TCF20: variants seen among roughly 807,000 people sequenced by gnomAD.
The protein encoded by TCF20 is transcription factor 20.
In TCF20, 3 loss-of-function variants were observed where a neutral mutation model predicts 148.6. The observed-to-expected ratio is 0.02, with a 90% CI of 0.01 to 0.05. TCF20 has a LOEUF of 0.05. TCF20 is among the 10% of genes least tolerant of loss of function. TCF20 has a pLI of 1.00. For synonymous variants in TCF20, 1,049 were observed against 909.5 expected (o/e 1.15, Z -2.76); for missense variants, 2,350 against 2,429.3 (o/e 0.97, Z 0.69).
intron 2 of TCF20, among the ~76,000 whole-genome samples, chr22:42,191,922 CAG>C: frequency 6.6e-6 from 1 of 152,170 alleles, no homozygotes; most frequent in East Asian, 1.9e-4. Context: ...TTCTCAAGTA[CAG>C]GGAGAGAAAT....
At chr22:42,304,240 G>T (rs1927393440) in intron 1 of TCF20, among the ~76,000 whole-genome samples, 1 of 152,228 alleles carries the variant, frequency 6.6e-6, no homozygotes, top group Admixed American at 6.5e-5. Flanking sequence ...CGCCTTAGCT[G>T]CCCGTTCCAC....
Position 42,215,143 on chromosome 22 carries a change from T to A in TCF20, c.163A>T (p.Ser55Cys). ...GGSSGSSGSG[S>C]GGGRRGAAAA... ...GCTGCTCCTCGTCGTCCACCACCACTGCCACTGCCACTGCTGCCACTACTG... is the reference window on the plus strand; with the variant it reads ...GCTGCTCCTCGTCGTCCACCACCACAGCCACTGCCACTGCTGCCACTACTG... The change falls in exon 2 of 6, where the codon AGT becomes TGT. Residue 55 changes from serine to cysteine, a missense_variant. By Grantham distance (112) the Ser-to-Cys change is moderately radical. Transcript: ENST00000677622. 1.2e-6 allele frequency: 2 copies of A among 1,606,816 alleles called. No homozygotes were observed. Among genetic ancestry groups the A allele is most frequent in the Non-Finnish European group, 1.7e-6 (2 of 1,173,560 alleles).
chr22:42,295,736 G>A (rs373809297), intron 1 of TCF20, among the ~76,000 whole-genome samples: 74 of 152,206 alleles, frequency 4.9e-4, no homozygotes, highest in African/African-American at 1.5e-3. Flanking sequence ...CACCGCGCCC[G>A]GCCTACTCCC....
chr22:42,180,643 T>A (rs1437915081), intron 2 of TCF20, among the ~76,000 whole-genome samples: 1 of 152,206 alleles, frequency 6.6e-6, no homozygotes, highest in Non-Finnish European at 1.5e-5. Context: ...TACACTGAGC[T>A]GGCTCAGGCC....
At chr22:42,207,631 C>T (rs987083349) in intron 2 of TCF20, among the ~76,000 whole-genome samples, 3 of 152,092 alleles carry the variant, frequency 2.0e-5, no homozygotes, top group South Asian at 2.1e-4. Context: ...GACTGACCAA[C>T]GTGGAGAAAC....
intron 1 of TCF20, chr22:42,276,776 C>T (rs1265326375): frequency 6.6e-6 from 1 of 152,142 alleles, no homozygotes; most frequent in African/African-American, 2.4e-5. Context: ...TCATCACTGC[C>T]CTGCATCTCC....
At chr22:42,320,122 G>A (rs925224960) in intron 1 of TCF20, among the ~76,000 whole-genome samples, 5 of 152,030 alleles carry the variant, frequency 3.3e-5, no homozygotes, top group South Asian at 2.1e-4. Flanking sequence ...TGACCTCTCC[G>A]CCTTCTCCAC....
chr22:42,302,150 G>A (rs1453326802), intron 1 of TCF20, among the ~76,000 whole-genome samples: 2 of 152,198 alleles, frequency 1.3e-5, no homozygotes, highest in Non-Finnish European at 2.9e-5. Context: ...CCCTCACTGG[G>A]CAGGTGCCTT....
intron 1 of TCF20, among the ~76,000 whole-genome samples, chr22:42,231,881 A>G (rs1923438512): frequency 6.7e-6 from 1 of 149,348 alleles, no homozygotes; most frequent in Admixed American, 6.8e-5. Flanking sequence ...GTGAGCCAAG[A>G]TCAAGCCACC....
At chr22:42,180,220 TA>T (rs1936704153) in intron 2 of TCF20, among the ~76,000 whole-genome samples, 1 of 152,216 alleles carries the variant, frequency 6.6e-6, no homozygotes, top group Admixed American at 6.5e-5. Flanking sequence ...ATTTTTGATC[TA>T]CTTACCCCAA....
intron 1 of TCF20, among the ~76,000 whole-genome samples, chr22:42,305,810 C>T (rs1927421331): frequency 6.6e-6 from 1 of 152,052 alleles, no homozygotes. Flanking sequence ...AGATCTGGCC[C>T]TCCCCCACCC....
At chr22:42,324,749 T>C (rs1171453825) in intron 1 of TCF20, among the ~76,000 whole-genome samples, 1 of 152,254 alleles carries the variant, frequency 6.6e-6, no homozygotes, top group East Asian at 1.9e-4. Context: ...GAAAATAACC[T>C]CCACCATTTG....
At chr22:42,193,964 A>T (rs540283758) in intron 2 of TCF20, among the ~76,000 whole-genome samples, 1 of 152,286 alleles carries the variant, frequency 6.6e-6, no homozygotes, top group Middle Eastern at 3.4e-3. Context: ...GAGATTAGAA[A>T]AAAGCAACAA....
At chr22:42,190,519 A>C (rs898372495) in intron 2 of TCF20, among the ~76,000 whole-genome samples, 5 of 151,928 alleles carry the variant, frequency 3.3e-5, no homozygotes, top group Non-Finnish European at 5.9e-5. Flanking sequence ...ACTGATCCCT[A>C]GTCATTTTGT....
rs750265746 is a variant in TCF20 at position 42,212,773 on chromosome 22, A to T, written c.2533T>A (p.Phe845Ile). The T allele has an allele frequency of 6.2e-7, 1 of 1,614,080 alleles. No homozygotes were observed. The highest frequency in any genetic ancestry group is 1.7e-5 in the Admixed American group (1 of 60,018). The change falls in exon 2 of 6, where the codon TTT (phenylalanine) becomes ATT (isoleucine). Residue 845 changes from phenylalanine to isoleucine, a missense_variant. Transcript: ENST00000677622. ...GCTGATGACTGAGGCTCTATTTCAA[A>T]CTTTCTGGGAATTGGATAGTCAGTC... Reference protein sequence around the residue: ...NLTDYPIPRKFEIEPQSSAHE... With the variant: ...NLTDYPIPRKIEIEPQSSAHE...
Position 42,262,651 on chromosome 22 carries a change from G to GA in TCF20, c.-37+7687dup, listed in dbSNP as rs1239683107. On this transcript the variant is annotated intron_variant, in intron 1 of 5. Transcript: ENST00000677622. ...AGATCACCGAGGGAGAAAGGACACTGAAAAAATAGGGTCTGGAGAATGCCA... is the reference window on the plus strand; with the variant it reads ...AGATCACCGAGGGAGAAAGGACACTGAAAAAAATAGGGTCTGGAGAATGCCA... Among the ~76,000 whole-genome samples the GA allele has an allele frequency of 3.9e-5, 6 of 152,030 alleles. No individual in the cohort carries two copies. In the South Asian group the frequency reaches 8.3e-4, roughly 21 times the overall value.
intron 2 of TCF20, among the ~76,000 whole-genome samples, chr22:42,187,478 G>C (rs896166300): frequency 8.5e-5 from 13 of 152,186 alleles, no homozygotes; most frequent in African/African-American, 3.1e-4. Flanking sequence ...TGGCTGAGTG[G>C]TGGTTGGGTG....
chr22:42,339,815 T>G (rs1393862534), intron 1 of TCF20, among the ~76,000 whole-genome samples: 1 of 152,220 alleles, frequency 6.6e-6, no homozygotes. Flanking sequence ...GCCAGCCTGA[T>G]GCTCACGGAG....
intron 1 of TCF20, among the ~76,000 whole-genome samples, chr22:42,262,920 G>T (rs1007945460): frequency 6.6e-6 from 1 of 151,990 alleles, no homozygotes; most frequent in African/African-American, 2.4e-5. Context: ...GAATTAGCAC[G>T]GACCAGCCCT....
Sources: allele counts gnomAD v4.1 joint callset (sites outside exome capture counted in the v4.1 genomes callset), GRCh38; gene constraint gnomAD v4.1.1; transcripts MANE v1.5; gene names NCBI Gene and HGNC (gene_info 2026-07-23, HGNC 2026-07-21).